The following GRIN2A variants were observed in gnomAD, a reference collection of about 807,000 sequenced individuals.
GRIN2A encodes the protein glutamate receptor ionotropic, NMDA 2A.
In GRIN2A, 22 loss-of-function variants were observed where a neutral mutation model predicts 113.4. The observed-to-expected ratio is 0.19, with a 90% CI of 0.14 to 0.28. The LOEUF (loss-of-function observed/expected upper bound fraction) is 0.28. Ranked by LOEUF, GRIN2A falls within the 10% of genes least tolerant of loss-of-function variation. The pLI is 1.00. For missense variants in GRIN2A, 1,502 were observed against 1,887.0 expected (o/e 0.80, Z 3.78); for synonymous variants, 827 against 738.4 (o/e 1.12, Z -1.94).
chr16:10,013,618 T>C (rs1439522032), intron 2 of GRIN2A, among the ~76,000 whole-genome samples: 2 of 152,208 alleles, frequency 1.3e-5, no homozygotes, highest in Non-Finnish European at 2.9e-5. Context: ...CTCTTCTCTC[T>C]GTGCTCATTC....
chr16:10,113,204 C>T (rs2048656510), intron 2 of GRIN2A, among the ~76,000 whole-genome samples: 2 of 152,092 alleles, frequency 1.3e-5, no homozygotes, highest in Admixed American at 1.3e-4. Context: ...GACAGGAGGC[C>T]CCACCTGGCT....
In GRIN2A at chr16:9,757,519, C is replaced by T. The variant is rs1029027187; in HGVS notation, c.*5630G>A. The T allele has an allele frequency of 4.8e-5, 11 of 228,670 alleles. No individual in the cohort carries two copies. The highest frequency in any genetic ancestry group is 2.3e-4 in the Admixed American group (4 of 17,588). The allele number at this position is 228,670 out of a possible 1,614,324, so 14.2% of individuals were successfully genotyped here. ...GTATTAGAGAACTGAACTTCTAAAC[C>T]ATAAGCTACTTATGGGAAGAGACTA... On this transcript the variant is annotated 3_prime_UTR_variant, in exon 13 of 13. Transcript: ENST00000330684.
At chr16:10,166,711 C>T (rs767931855) in intron 2 of GRIN2A, among the ~76,000 whole-genome samples, 1 of 152,128 alleles carries the variant, frequency 6.6e-6, no homozygotes, top group Non-Finnish European at 1.5e-5. Flanking sequence ...GAAGAATGAA[C>T]ATACATTTGA....
chr16:10,083,401 T>C (rs984921955), intron 2 of GRIN2A, among the ~76,000 whole-genome samples: 2 of 152,262 alleles, frequency 1.3e-5, no homozygotes, highest in African/African-American at 4.8e-5. Context: ...TGGGTTTAAA[T>C]GGTGACCTTT....
chr16:9,959,949 G>C (rs918681188), intron 2 of GRIN2A, among the ~76,000 whole-genome samples: 1 of 152,160 alleles, frequency 6.6e-6, no homozygotes, highest in South Asian at 2.1e-4. Flanking sequence ...CTCCAGCCTC[G>C]GTGACAGAGC....
chr16:10,021,731 TGGGGTTGTCTCCCCTGTCAGG>T (rs2046727004), intron 2 of GRIN2A, among the ~76,000 whole-genome samples: 1 of 151,406 alleles, frequency 6.6e-6, no homozygotes, highest in African/African-American at 2.4e-5. Context: ...GGGGAGACCT[TGGGGTTGTCTCCCCTGTCAGG>T]GGAGACAGGG....
At chr16:10,066,399 C>A (rs1371797535) in intron 2 of GRIN2A, among the ~76,000 whole-genome samples, 1 of 152,146 alleles carries the variant, frequency 6.6e-6, no homozygotes, top group Non-Finnish European at 1.5e-5. Context: ...GAGGAAGGAG[C>A]AGCAGAGAGT....
chr16:10,050,779 C>G (rs1157127605), intron 2 of GRIN2A, among the ~76,000 whole-genome samples: 1 of 152,040 alleles, frequency 6.6e-6, no homozygotes, highest in East Asian at 1.9e-4. Flanking sequence ...TCCCTGGTGC[C>G]AAAAAGATTG....
intron 3 of GRIN2A, among the ~76,000 whole-genome samples, chr16:9,908,583 G>A (rs983500066): frequency 6.6e-6 from 1 of 152,116 alleles, no homozygotes; most frequent in Non-Finnish European, 1.5e-5. Context: ...AAACCCAGGG[G>A]AAGAAGGAGA....
chr16:9,943,676 A>G (rs773353931), intron 2 of GRIN2A, among the ~76,000 whole-genome samples: 5 of 151,864 alleles, frequency 3.3e-5, no homozygotes, highest in Non-Finnish European at 7.4e-5. Context: ...GAGAGGTTAA[A>G]TGACTTCCCT....
At chr16:9,833,836 C>G (rs545463055) in intron 8 of GRIN2A, among the ~76,000 whole-genome samples, 2 of 152,306 alleles carry the variant, frequency 1.3e-5, no homozygotes, top group Non-Finnish European at 1.5e-5. Context: ...TCTCCTGCCT[C>G]TGCCTCATGA....
intron 10 of GRIN2A, among the ~76,000 whole-genome samples, chr16:9,816,518 C>A (rs924634552): frequency 1.2e-4 from 19 of 152,172 alleles, no homozygotes; most frequent in African/African-American, 3.6e-4. Flanking sequence ...CACAAACTAT[C>A]CCACTGTGTC....
In GRIN2A at chr16:9,938,304, T is replaced by C. The variant is rs61731464; in HGVS notation, c.662A>G (p.Lys221Arg). Residue 221 changes from lysine to arginine, a missense_variant, in exon 3 of 13, where the codon AAG (lysine) becomes AGG (arginine). Lys to Arg is a conservative substitution (Grantham distance 26, BLOSUM62 2). Around this residue, in one of 7 missense-constraint regions of GRIN2A, gnomAD observed 334 missense variants for 403.0 expected, o/e 0.83. Coordinates refer to ENST00000330684, the MANE Select transcript of GRIN2A (RefSeq NM_001134407.3). ...GAGCAAGATGACAGAAGAGTGGATC[T>C]TCTTCAGCTGGACTTGTGTCTTTGC... ...EDAKTQVQLK[K>R]IHSSVILLYC... 814 of 1,614,048 alleles carry C rather than the reference T, an allele frequency of 5.0e-4. 3 individuals carry two copies. In the African/African-American group the frequency reaches 0.01, roughly 20 times the overall value.
chr16:10,046,338 T>C (rs2047257605), intron 2 of GRIN2A, among the ~76,000 whole-genome samples: 2 of 152,054 alleles, frequency 1.3e-5, no homozygotes, highest in African/African-American at 2.4e-5. Flanking sequence ...GTTTTTTTTT[T>C]TTTCTTAAAG....
chr16:10,139,127 C>T (rs2049267913), intron 2 of GRIN2A, among the ~76,000 whole-genome samples: 1 of 152,192 alleles, frequency 6.6e-6, no homozygotes, highest in African/African-American at 2.4e-5. Context: ...GAGCATGAAA[C>T]AGACAGCCCT....
intron 3 of GRIN2A, among the ~76,000 whole-genome samples, chr16:9,933,375 G>A (rs2044642088): frequency 6.6e-6 from 1 of 152,086 alleles, no homozygotes; most frequent in South Asian, 2.1e-4. Context: ...TAAAGTCCAT[G>A]AGGACCACCA....
At chr16:10,039,482 C>T (rs1172413336) in intron 2 of GRIN2A, among the ~76,000 whole-genome samples, 7 of 152,058 alleles carry the variant, frequency 4.6e-5, no homozygotes, top group African/African-American at 1.4e-4. Context: ...AAAATCGAGA[C>T]GCTAAACTCT....
rs556979794 is a variant in GRIN2A at position 10,032,710 on chromosome 16, C to T, written c.415-94159G>A. ...GGGTTGAACGAACACAGTTTAATGCCGGTCTCCACTCTGAGCCATTAAACA... is the reference window on the plus strand; with the variant it reads ...GGGTTGAACGAACACAGTTTAATGCTGGTCTCCACTCTGAGCCATTAAACA... On this transcript the variant is annotated intron_variant, in intron 2 of 12. Coordinates refer to ENST00000330684, the MANE Select transcript of GRIN2A (RefSeq NM_001134407.3). 1.0e-3 allele frequency among the ~76,000 whole-genome samples: 157 copies of T among 152,210 alleles called. 1 individual carries two copies. Among genetic ancestry groups the T allele is most frequent in the African/African-American group, 3.6e-3 (151 of 41,532 alleles).
intron 2 of GRIN2A, among the ~76,000 whole-genome samples, chr16:10,067,120 G>C (rs57765899): frequency 6.6e-6 from 1 of 151,954 alleles, no homozygotes; most frequent in Admixed American, 6.5e-5. Flanking sequence ...CTTTTTTGCT[G>C]TTTCTTTCTC....
Sources: gnomAD v4.1 joint callset for allele counts (sites outside exome capture counted in the v4.1 genomes callset) on GRCh38, gnomAD v4.1.1 for gene constraint, gnomAD v4.1.1 regional missense constraint, MANE v1.5 for transcripts, NCBI Gene and HGNC (gene_info 2026-07-23, HGNC 2026-07-21) for gene names.